Variants in CNTNAP2 observed in about 807,000 individuals in gnomAD.
CNTNAP2 encodes contactin-associated protein-like 2.
Under a neutral mutation model 155.2 loss-of-function variants are expected in CNTNAP2, and 98 were observed. The ratio of observed to expected loss-of-function variants is 0.63; its 90% CI spans 0.54 to 0.75. The LOEUF is 0.75. CNTNAP2 is among the 30% of genes least tolerant of loss of function. The pLI is 0.00. For missense variants in CNTNAP2, 1,727 were observed against 1,688.1 expected, an observed-to-expected ratio of 1.02 and a Z score of -0.40; for synonymous variants, 651 against 631.2, an observed-to-expected ratio of 1.03 and a Z score of -0.47.
At chr7:146,665,788 A>AAAAAAAAAAAAAACAAAAAAAAAAAC (rs1328734569) in intron 1 of CNTNAP2, among the ~76,000 whole-genome samples, 1 of 142,038 alleles carries the variant, frequency 7.0e-6, no homozygotes, top group East Asian at 2.2e-4. Flanking sequence ...CTCATTAAAA[A>AAAAAAAAAAAAAACAAAAAAAAAAAC]AAAAAAAAAA....
chr7:147,244,713 T>C (rs1474219794), intron 8 of CNTNAP2, among the ~76,000 whole-genome samples: 1 of 152,180 alleles, frequency 6.6e-6, no homozygotes, highest in Non-Finnish European at 1.5e-5. Flanking sequence ...TTCTGTGAGC[T>C]AAGACCTGAT....
chr7:147,772,586 A>G (rs896567720), intron 13 of CNTNAP2, among the ~76,000 whole-genome samples: 1 of 149,676 alleles, frequency 6.7e-6, no homozygotes. Flanking sequence ...ACGTGAATTG[A>G]CTTCTACTTT....
At chr7:146,935,918 G>A (rs912238438) in intron 3 of CNTNAP2, among the ~76,000 whole-genome samples, 2 of 152,146 alleles carry the variant, frequency 1.3e-5, no homozygotes, top group African/African-American at 4.8e-5. Flanking sequence ...TTATCCTCCC[G>A]ATAGTCATAA....
At chr7:148,167,712 G>A (rs1374096504) in intron 17 of CNTNAP2, among the ~76,000 whole-genome samples, 2 of 152,140 alleles carry the variant, frequency 1.3e-5, no homozygotes, top group East Asian at 3.9e-4. Context: ...AACCGACGCT[G>A]AGAGAGACTA....
intron 10 of CNTNAP2, among the ~76,000 whole-genome samples, chr7:147,452,153 C>T (rs989439390): frequency 7.2e-5 from 11 of 152,152 alleles, no homozygotes; most frequent in Non-Finnish European, 1.0e-4. Context: ...GATAGGCTTT[C>T]GACTACAAAT....
intron 1 of CNTNAP2, among the ~76,000 whole-genome samples, chr7:146,496,619 T>C (rs1194054743): frequency 2.0e-5 from 3 of 152,208 alleles, no homozygotes; most frequent in African/African-American, 7.2e-5. Context: ...GGTTGGAAGC[T>C]ATTGCCTTCC....
intron 1 of CNTNAP2, among the ~76,000 whole-genome samples, chr7:146,637,594 A>G (rs551873073): frequency 1.3e-5 from 2 of 152,292 alleles, no homozygotes; most frequent in South Asian, 4.1e-4. Context: ...GAGTTATATA[A>G]TCACTATTAG....
intron 8 of CNTNAP2, among the ~76,000 whole-genome samples, chr7:147,223,316 T>C (rs1803448225): frequency 1.3e-5 from 2 of 152,308 alleles, no homozygotes; most frequent in Admixed American, 1.3e-4. Context: ...GACAGAATAC[T>C]TTCACACAAC....
intron 21 of CNTNAP2, among the ~76,000 whole-genome samples, chr7:148,318,529 C>G (rs1797731605): frequency 6.6e-6 from 1 of 152,122 alleles, no homozygotes; most frequent in Non-Finnish European, 1.5e-5. Flanking sequence ...CCCAAAGGGC[C>G]AAAAACTTCC....
chr7:147,352,675 T>C (rs1795986668), intron 9 of CNTNAP2, among the ~76,000 whole-genome samples: 1 of 151,984 alleles, frequency 6.6e-6, no homozygotes, highest in Non-Finnish European at 1.5e-5. Context: ...ATGAGACCCT[T>C]AACCATGGTA....
At position 148,050,522 on chromosome 7, in the gene CNTNAP2, TAAAAG is replaced by T. The variant is rs376751418; in HGVS notation, c.2384-67592_2384-67588del. ...TGTTATCACAAAAGAGTAAAAAAGT[TAAAAG>T]AAATTAAAAGTTTAGAAAGTAAAAA... is the stretch of plus-strand genomic sequence containing the variant. On this transcript the variant is annotated intron_variant, in intron 15 of 23. Coordinates refer to ENST00000361727, the MANE Select transcript of CNTNAP2 (RefSeq NM_014141.6). 7.7e-4 allele frequency among the ~76,000 whole-genome samples: 117 copies of T among 152,318 alleles called. 3 individuals are homozygous for T. The South Asian group carries it at 0.019, about 24-fold the overall frequency.
chr7:148,165,592 T>A (rs1364808663), intron 17 of CNTNAP2, among the ~76,000 whole-genome samples: 2 of 152,208 alleles, frequency 1.3e-5, no homozygotes, highest in Non-Finnish European at 2.9e-5. Context: ...TATCTGTTAT[T>A]AACACACTCC....
chr7:148,073,962 G>C (rs551243512), intron 15 of CNTNAP2, among the ~76,000 whole-genome samples: 2 of 152,084 alleles, frequency 1.3e-5, no homozygotes, highest in Non-Finnish European at 2.9e-5. Flanking sequence ...GGTATAGAAG[G>C]GGGTCCTGGA....
At chr7:147,745,881 T>C (rs1025357593) in intron 13 of CNTNAP2, among the ~76,000 whole-genome samples, 3 of 152,210 alleles carry the variant, frequency 2.0e-5, no homozygotes, top group Non-Finnish European at 4.4e-5. Flanking sequence ...ATCACTTTTA[T>C]AGTTTCCAAG....
At chr7:148,178,567 T>C (rs1239246237) in intron 18 of CNTNAP2, among the ~76,000 whole-genome samples, 3 of 152,212 alleles carry the variant, frequency 2.0e-5, no homozygotes, top group Non-Finnish European at 4.4e-5. Flanking sequence ...TAGAAGAAAT[T>C]GTTTATAGCA....
chr7:146,165,710 A>G (rs1320097021), intron 1 of CNTNAP2, among the ~76,000 whole-genome samples: 1 of 152,224 alleles, frequency 6.6e-6, no homozygotes, highest in Non-Finnish European at 1.5e-5. Flanking sequence ...TAATGTTGGA[A>G]ATATTTGTGA....
At chr7:147,162,970 T>C (rs117439216) in intron 8 of CNTNAP2, among the ~76,000 whole-genome samples, 1 of 152,280 alleles carries the variant, frequency 6.6e-6, no homozygotes, top group Non-Finnish European at 1.5e-5. Flanking sequence ...GACCAGCAGC[T>C]TCTCCAGGAG....
intron 3 of CNTNAP2, among the ~76,000 whole-genome samples, chr7:146,944,585 A>T (rs1797120285): frequency 6.6e-6 from 1 of 152,114 alleles, no homozygotes. Flanking sequence ...TGCATAGAAA[A>T]ATCTTAAGGC....
intron 1 of CNTNAP2, among the ~76,000 whole-genome samples, chr7:146,438,862 G>T (rs559629539): frequency 6.6e-6 from 1 of 151,626 alleles, no homozygotes; most frequent in South Asian, 2.1e-4. Flanking sequence ...TTGCTATCTA[G>T]TTCTTTCTCT....
Sources: allele counts gnomAD v4.1 joint callset (sites outside exome capture counted in the v4.1 genomes callset), GRCh38; gene constraint gnomAD v4.1.1; transcripts MANE v1.5; gene names NCBI Gene and HGNC (gene_info 2026-07-23, HGNC 2026-07-21).